DYNC1I1: variants seen among roughly 807,000 people sequenced by gnomAD.
The protein encoded by DYNC1I1 is cytoplasmic dynein 1 intermediate chain 1.
Under a neutral mutation model 86.6 loss-of-function variants are expected in DYNC1I1, and 43 were observed. The ratio of observed to expected loss-of-function variants is 0.50; its 90% confidence interval spans 0.39 to 0.64. The LOEUF (loss-of-function observed/expected upper bound fraction) is 0.64. Among genes scored for constraint, DYNC1I1 ranks in the 30% least tolerant of loss-of-function variants. DYNC1I1 has a pLI of 0.00. For missense variants in DYNC1I1, 604 were observed against 788.8 expected (o/e 0.77, Z 2.81); for synonymous variants, 262 against 283.7 (o/e 0.92, Z 0.77).
At position 95,895,159 on chromosome 7, in the gene DYNC1I1, C is replaced by A. The variant is rs1200143605; in HGVS notation, c.490+25161C>A. On this transcript the variant is annotated intron_variant, in intron 6 of 16. Coordinates refer to ENST00000447467, the MANE Select transcript of DYNC1I1 (RefSeq NM_001135556.2). ...GGCTTTGGAAAGTGCTTTGGAACTT[C>A]ATCTTGGTCTGACCACTGAGCTGGT... Among the ~76,000 whole-genome samples the A allele has an allele frequency of 1.3e-5, 2 of 152,186 alleles. 1 individual carries two copies. Among genetic ancestry groups the A allele is most frequent in the Admixed American group, 1.3e-4 (2 of 15,280 alleles).
chr7:95,988,732 A>C (rs1289921846), intron 9 of DYNC1I1, among the ~76,000 whole-genome samples: 3 of 152,202 alleles, frequency 2.0e-5, no homozygotes, highest in African/African-American at 7.2e-5. Context: ...TCTTGTTGTC[A>C]ATGCTTTTAT....
At chr7:95,959,611 G>A (rs1584200779) in intron 6 of DYNC1I1, among the ~76,000 whole-genome samples, 1 of 152,302 alleles carries the variant, frequency 6.6e-6, no homozygotes, top group South Asian at 2.1e-4. Context: ...AGAACAATGA[G>A]ACAGTATGGT....
At chr7:95,824,379 G>A (rs543992780) in intron 4 of DYNC1I1, among the ~76,000 whole-genome samples, 1 of 151,886 alleles carries the variant, frequency 6.6e-6, no homozygotes, top group Admixed American at 6.6e-5. Flanking sequence ...TGTATTTTAG[G>A]TTCTTAATAG....
chr7:96,094,589 C>G (rs981893472), intron 16 of DYNC1I1, among the ~76,000 whole-genome samples: 1 of 152,128 alleles, frequency 6.6e-6, no homozygotes, highest in South Asian at 2.1e-4. Context: ...ATTCTAATGC[C>G]AAAAATTATT....
chr7:95,831,819 T>A (rs1284962564), intron 5 of DYNC1I1, among the ~76,000 whole-genome samples: 1 of 151,924 alleles, frequency 6.6e-6, no homozygotes, highest in African/African-American at 2.4e-5. Context: ...TTAGGGCCTC[T>A]GTGCATTTTT....
At chr7:95,947,641 G>C (rs1269549010) in intron 6 of DYNC1I1, among the ~76,000 whole-genome samples, 6 of 152,024 alleles carry the variant, frequency 3.9e-5, no homozygotes, top group Admixed American at 1.3e-4. Flanking sequence ...TGAGGGGTGG[G>C]GCAGATTTCT....
At chr7:95,849,665 T>G (rs1789526363) in intron 5 of DYNC1I1, among the ~76,000 whole-genome samples, 1 of 152,178 alleles carries the variant, frequency 6.6e-6, no homozygotes, top group Non-Finnish European at 1.5e-5. Flanking sequence ...GCCTTCAGCT[T>G]TGTTCTTTTT....
intron 6 of DYNC1I1, among the ~76,000 whole-genome samples, chr7:95,936,956 T>TCTCTCACACACACACACACACA (rs750834189): frequency 0.033 from 4,414 of 134,132 alleles, 112 homozygotes; most frequent in Non-Finnish European, 0.045. Flanking sequence ...AGAATATGTC[T>TCTCTCACACACACACACACACA]CACACACACA....
At chr7:95,902,761 A>C (rs2116314710) in intron 6 of DYNC1I1, among the ~76,000 whole-genome samples, 1 of 152,230 alleles carries the variant, frequency 6.6e-6, no homozygotes, top group South Asian at 2.1e-4. Flanking sequence ...GAAATATTCC[A>C]AGTGCTTTCC....
At chr7:95,844,670 C>T (rs1789379391) in intron 5 of DYNC1I1, among the ~76,000 whole-genome samples, 1 of 151,780 alleles carries the variant, frequency 6.6e-6, no homozygotes, top group African/African-American at 2.4e-5. Context: ...TGGTCCTCAA[C>T]CACTGAGTCT....
intron 16 of DYNC1I1, among the ~76,000 whole-genome samples, chr7:96,083,000 T>C (rs747422119): frequency 6.6e-6 from 1 of 152,168 alleles, no homozygotes; most frequent in African/African-American, 2.4e-5. Context: ...TCGCCTATTG[T>C]CTGGAGTCTA....
At chr7:95,937,795 A>C (rs906679109) in intron 6 of DYNC1I1, among the ~76,000 whole-genome samples, 2 of 152,224 alleles carry the variant, frequency 1.3e-5, no homozygotes, top group Admixed American at 6.6e-5. Context: ...ATCCATTTTT[A>C]ATGTAGAAGA....
At chr7:96,031,628 A>G (rs1180803220) in intron 11 of DYNC1I1, among the ~76,000 whole-genome samples, 1 of 152,172 alleles carries the variant, frequency 6.6e-6, no homozygotes, top group Non-Finnish European at 1.5e-5. Context: ...TTTATATGAT[A>G]ATAATAGTTT....
chr7:95,975,347 C>T (rs1252944308), intron 6 of DYNC1I1, among the ~76,000 whole-genome samples: 1 of 152,124 alleles, frequency 6.6e-6, no homozygotes, highest in African/African-American at 2.4e-5. Context: ...AGTCTGTGGG[C>T]TTGGTTCCTT....
intron 1 of DYNC1I1, among the ~76,000 whole-genome samples, chr7:95,795,844 A>T (rs1794421891): frequency 6.6e-6 from 1 of 151,936 alleles, no homozygotes. Flanking sequence ...CATGTCACAA[A>T]TTTATATAAG....
chr7:96,075,174 C>T (rs1388661934), intron 14 of DYNC1I1, among the ~76,000 whole-genome samples: 3 of 152,220 alleles, frequency 2.0e-5, no homozygotes, highest in African/African-American at 7.2e-5. Flanking sequence ...TTGCCTCTGA[C>T]TTCTGTGCTA....
intron 6 of DYNC1I1, among the ~76,000 whole-genome samples, chr7:95,915,330 C>T (rs111449397): frequency 0.018 from 2,761 of 152,294 alleles, 79 homozygotes; most frequent in African/African-American, 0.056. Context: ...TTGACTAACA[C>T]GAACAAAGTC....
intron 6 of DYNC1I1, among the ~76,000 whole-genome samples, chr7:95,918,565 G>T (rs753176318): frequency 6.6e-6 from 1 of 152,166 alleles, no homozygotes; most frequent in Non-Finnish European, 1.5e-5. Flanking sequence ...GTGCATGTGT[G>T]GGTGTGCATG....
chr7:95,942,742 C>T lies in DYNC1I1; in HGVS notation c.491-34770C>T, dbSNP rs534794234. 2.3e-4 allele frequency among the ~76,000 whole-genome samples: 34 copies of T among 147,294 alleles called. No homozygotes were observed. The South Asian group carries it at 7.3e-3, about 31-fold the overall frequency. On this transcript the variant is annotated intron_variant, in intron 6 of 16. Transcript: ENST00000447467. ...TATACGCAAATCAATAAATGTAATC[C>T]AGCATATAAACAGAACCAAAGACAA...
Sources: gnomAD v4.1 joint callset for allele counts (sites outside exome capture counted in the v4.1 genomes callset) on GRCh38, gnomAD v4.1.1 for gene constraint, MANE v1.5 for transcripts, NCBI Gene and HGNC (gene_info 2026-07-23, HGNC 2026-07-21) for gene names.